ROBO1: variants seen among roughly 807,000 people sequenced by gnomAD.
The protein encoded by ROBO1 is roundabout homolog 1.
ROBO1 carries 149 observed loss-of-function variants against 195.9 expected under a neutral mutation model. The ratio of observed to expected loss-of-function variants is 0.76; its 90% confidence interval spans 0.67 to 0.87. The LOEUF is 0.87. Among genes scored for constraint, ROBO1 ranks in the 40% least tolerant of loss-of-function variants. The pLI is 0.00. For missense variants in ROBO1, 1,933 were observed against 2,068.3 expected (o/e 0.93, Z 1.27); for synonymous variants, 816 against 733.2 (o/e 1.11, Z -1.82).
rs1048716185 is a variant in ROBO1 at position 79,671,715 on chromosome 3, G to C, written c.-50-81754C>G. ...ACTATAAAAAAGTATACAACATATTGAAATTTATTGTATTGTCGGTATTTA... is the reference window on the plus strand; with the variant it reads ...ACTATAAAAAAGTATACAACATATTCAAATTTATTGTATTGTCGGTATTTA... On this transcript the variant is annotated intron_variant, in intron 1 of 30. Transcript: ENST00000464233. 5.3e-5 allele frequency among the ~76,000 whole-genome samples: 8 copies of C among 151,802 alleles called. No homozygotes were observed. In the South Asian group the frequency reaches 1.7e-3, roughly 31 times the overall value.
chr3:79,158,681 T>G (rs1379528541), intron 2 of ROBO1, among the ~76,000 whole-genome samples: 1 of 151,906 alleles, frequency 6.6e-6, no homozygotes, highest in African/African-American at 2.4e-5. Flanking sequence ...CCCAACATTA[T>G]GTGACATATA....
chr3:79,168,823 A>G (rs113472139), intron 2 of ROBO1, among the ~76,000 whole-genome samples: 33 of 152,322 alleles, frequency 2.2e-4, no homozygotes, highest in African/African-American at 7.9e-4. Context: ...AGGAAAATGC[A>G]TCACTATTAT....
chr3:79,638,971 T>C (rs1945577160), intron 1 of ROBO1, among the ~76,000 whole-genome samples: 1 of 152,302 alleles, frequency 6.6e-6, no homozygotes, highest in Non-Finnish European at 1.5e-5. Context: ...CTTTGTTAAA[T>C]TGAAATTCTA....
At chr3:78,739,236 G>A (rs1468009307) in intron 5 of ROBO1, among the ~76,000 whole-genome samples, 1 of 152,046 alleles carries the variant, frequency 6.6e-6, no homozygotes, top group Non-Finnish European at 1.5e-5. Flanking sequence ...TTGAGTCTAG[G>A]CAGAGCTTAA....
intron 2 of ROBO1, among the ~76,000 whole-genome samples, chr3:79,185,248 G>T (rs772068870): frequency 2.0e-5 from 3 of 152,118 alleles, no homozygotes; most frequent in Non-Finnish European, 4.4e-5. Context: ...CTCTCCAGGT[G>T]TCTTTGAGTT....
At chr3:78,712,017 CAAAAAAAAAAAAAAAAAAA>C (rs56267632) in intron 8 of ROBO1, among the ~76,000 whole-genome samples, 9 of 76,426 alleles carry the variant, frequency 1.2e-4, no homozygotes, top group East Asian at 9.0e-4. Context: ...AAGACCTTGG[CAAAAAAAAAAAAAAAAAAA>C]AAAAAAAAAA....
chr3:78,890,541 C>G (rs903278086), intron 4 of ROBO1, among the ~76,000 whole-genome samples: 1 of 152,024 alleles, frequency 6.6e-6, no homozygotes, highest in Non-Finnish European at 1.5e-5. Context: ...GTTATAGGAG[C>G]CCAAACTGAT....
intron 2 of ROBO1, among the ~76,000 whole-genome samples, chr3:79,549,051 T>C (rs1249078837): frequency 1.3e-5 from 2 of 152,322 alleles, no homozygotes; most frequent in African/African-American, 4.8e-5. Context: ...GCACTTTAGG[T>C]AGGATTTCGG....
intron 1 of ROBO1, among the ~76,000 whole-genome samples, chr3:79,633,986 A>C (rs1396291987): frequency 6.6e-6 from 1 of 152,164 alleles, no homozygotes. Flanking sequence ...CAAGTATGAC[A>C]TTAGATTCAA....
At position 78,934,312 on chromosome 3, in the gene ROBO1, AC is replaced by A. The variant is rs555502811; in HGVS notation, c.499+4288del. On this transcript the variant is annotated intron_variant, in intron 4 of 30. Transcript: ENST00000464233. ...CCAGTACATTTTACAGTATACGTGT[AC>A]AAAAGAGTAAAATGGTGTTTAAAAA... Among the ~76,000 whole-genome samples the A allele has an allele frequency of 1.8e-3, 278 of 152,106 alleles. 2 individuals carry two copies. The highest frequency in any genetic ancestry group is 3.3e-3 in the Non-Finnish European group (227 of 67,876).
chr3:79,163,634 C>T (rs538162256), intron 2 of ROBO1, among the ~76,000 whole-genome samples: 2 of 152,142 alleles, frequency 1.3e-5, no homozygotes, highest in Admixed American at 1.3e-4. Flanking sequence ...TATCATTTTA[C>T]ATTTTGAACA....
chr3:78,854,233 C>T (rs2034257886), intron 4 of ROBO1, among the ~76,000 whole-genome samples: 1 of 148,742 alleles, frequency 6.7e-6, no homozygotes, highest in African/African-American at 2.5e-5. Context: ...TATGGTTCCC[C>T]TGAATACATA....
chr3:78,651,845 A>T lies in ROBO1; in HGVS notation c.2699T>A (p.Ile900Lys), dbSNP rs1370338204. Reference protein sequence around the residue: ...ISDVVKQPAFIAGIGAACWII... With the variant: ...ISDVVKQPAFKAGIGAACWII... The stretch of plus-strand genomic sequence containing the variant: ...CCAACAGGCTGCTCCAATACCTGCT[A>T]TGAAGGCCGGCTGCTTCACCACATC... The change falls in exon 19 of 31, where the codon ATA becomes AAA. Residue 900 changes from isoleucine (I) to lysine (K), a missense_variant. Transcript: ENST00000464233. 6.2e-7 allele frequency: 1 copy of T among 1,613,736 alleles called. No individual in the cohort carries two copies. The highest frequency in any genetic ancestry group is 8.5e-7 in the Non-Finnish European group (1 of 1,179,786).
intron 2 of ROBO1, among the ~76,000 whole-genome samples, chr3:79,501,184 T>C (rs1940052509): frequency 6.6e-6 from 1 of 152,206 alleles, no homozygotes; most frequent in South Asian, 2.1e-4. Context: ...GCTGTATTAT[T>C]TTCAAAATGT....
intron 1 of ROBO1, among the ~76,000 whole-genome samples, chr3:79,601,732 A>G (rs1043768712): frequency 9.2e-5 from 14 of 151,978 alleles, no homozygotes; most frequent in African/African-American, 3.1e-4. Context: ...TGCTTAGAAA[A>G]ACATTCTATT....
At chr3:79,191,876 A>G (rs531812373) in intron 2 of ROBO1, among the ~76,000 whole-genome samples, 16 of 151,656 alleles carry the variant, frequency 1.1e-4, no homozygotes, top group African/African-American at 3.4e-4. Flanking sequence ...AATTTCTGTA[A>G]TCTGGGACAA....
chr3:79,662,823 G>A (rs899840425), intron 1 of ROBO1, among the ~76,000 whole-genome samples: 2 of 152,028 alleles, frequency 1.3e-5, no homozygotes, highest in Non-Finnish European at 2.9e-5. Context: ...TGGAAGAAAC[G>A]AGTCTTTATA....
intron 5 of ROBO1, among the ~76,000 whole-genome samples, chr3:78,722,303 C>A (rs1271412573): frequency 6.6e-6 from 1 of 152,094 alleles, no homozygotes; most frequent in East Asian, 1.9e-4. Flanking sequence ...CAAATACTTT[C>A]TCTATCCTTT....
intron 2 of ROBO1, among the ~76,000 whole-genome samples, chr3:79,443,858 G>A (rs188066635): frequency 4.0e-5 from 6 of 151,836 alleles, no homozygotes; most frequent in South Asian, 4.1e-4. Context: ...GAATGAGATA[G>A]AGCACACAGG....
Sources: allele counts gnomAD v4.1 joint callset (sites outside exome capture counted in the v4.1 genomes callset), GRCh38; gene constraint gnomAD v4.1.1; transcripts MANE v1.5; gene names NCBI Gene and HGNC (gene_info 2026-07-23, HGNC 2026-07-21).